GRIA4: variants seen among roughly 807,000 people sequenced by gnomAD.
The protein encoded by GRIA4 is glutamate receptor 4.
A neutral mutation model predicts 104.0 loss-of-function variants in GRIA4; 34 were observed. The observed-to-expected ratio is 0.33, with a 90% CI of 0.25 to 0.44. The LOEUF (loss-of-function observed/expected upper bound fraction) is 0.44, where lower values mean the gene tolerates loss of function less well. GRIA4 is among the 20% of genes least tolerant of loss of function. The probability of loss-of-function intolerance (pLI) is 1.00; values close to 1 mark genes in which losing one functional copy is unlikely to be tolerated. For missense variants in GRIA4, 750 were observed against 1,096.5 expected (o/e 0.68, Z 4.46); for synonymous variants, 386 against 381.9 (o/e 1.01, Z -0.13).
At chr11:105,679,836 C>A (rs1952654532) in intron 3 of GRIA4, among the ~76,000 whole-genome samples, 1 of 152,108 alleles carries the variant, frequency 6.6e-6, no homozygotes, top group African/African-American at 2.4e-5. Flanking sequence ...AGATCCTCAG[C>A]TGGCTGTAGT....
At position 105,682,041 on chromosome 11, in the gene GRIA4, T is replaced by TATAATA. The variant is rs569161082; in HGVS notation, c.247+69624_247+69629dup. Among the ~76,000 whole-genome samples, 702 of 151,356 alleles carry TATAATA rather than the reference T, an allele frequency of 4.6e-3. 12 individuals carry two copies. Among genetic ancestry groups the TATAATA allele is most frequent in the African/African-American group, 0.015 (638 of 41,254 alleles). ...GGCAACAGAGCCAGACTCTGTCTAATATAATAATAATAATAATAATAACAA... is the reference window on the plus strand; with the variant it reads ...GGCAACAGAGCCAGACTCTGTCTAATATAATAATAATAATAATAATAATAATAACAA... On this transcript the variant is annotated intron_variant, in intron 3 of 16. Transcript: ENST00000282499.
chr11:105,834,219 A>G (rs1421528067), intron 4 of GRIA4, among the ~76,000 whole-genome samples: 1 of 152,088 alleles, frequency 6.6e-6, no homozygotes, highest in African/African-American at 2.4e-5. Flanking sequence ...TACATAAAGA[A>G]GATATCCCTA....
At chr11:105,899,271 C>G (rs1946770796) in intron 7 of GRIA4, among the ~76,000 whole-genome samples, 1 of 152,206 alleles carries the variant, frequency 6.6e-6, no homozygotes, top group Non-Finnish European at 1.5e-5. Flanking sequence ...ACCATCTTCA[C>G]TGCCTTATAA....
chr11:105,972,064 C>CCCT (rs756918927), intron 15 of GRIA4, 36 bp downstream of exon 15: 1 of 1,278,358 alleles, frequency 7.8e-7, no homozygotes, highest in African/African-American at 1.5e-5. Context: ...CTCTTGTGTT[C>CCCT]ACAAAGCAGT....
chr11:105,852,922 T>C (rs1432840932), intron 4 of GRIA4, among the ~76,000 whole-genome samples: 1 of 148,664 alleles, frequency 6.7e-6, no homozygotes, highest in African/African-American at 2.5e-5. Flanking sequence ...AAATGAATGG[T>C]TTTGGCTTTG....
chr11:105,637,522 A>C (rs1218423514), intron 3 of GRIA4, among the ~76,000 whole-genome samples: 2 of 152,194 alleles, frequency 1.3e-5, no homozygotes, highest in African/African-American at 4.8e-5. Flanking sequence ...TGGGCACTGC[A>C]GAGAATTCAA....
chr11:105,902,974 T>A (rs1162756744), intron 7 of GRIA4, among the ~76,000 whole-genome samples: 1 of 152,204 alleles, frequency 6.6e-6, no homozygotes, highest in Admixed American at 6.5e-5. Flanking sequence ...CCATGTTGAT[T>A]TATTTTTATA....
intron 5 of GRIA4, among the ~76,000 whole-genome samples, chr11:105,869,820 A>C (rs1395400162): frequency 6.6e-6 from 1 of 152,086 alleles, no homozygotes; most frequent in Non-Finnish European, 1.5e-5. Context: ...ACCTTCCCTC[A>C]AGATTAGCCA....
Position 105,855,318 on chromosome 11 carries a change from T to C in GRIA4, c.488-6706T>C, listed in dbSNP as rs73540982. On this transcript the variant is annotated intron_variant, in intron 4 of 16. Coordinates refer to ENST00000282499, the MANE Select transcript of GRIA4 (RefSeq NM_000829.4). The stretch of plus-strand genomic sequence containing the variant: ...ATTATGTCTTACATACCTTACATGC[T>C]TAATATTAGACAAAGACCTTGTTTG... Among the ~76,000 whole-genome samples, 319 of 152,270 alleles carry C rather than the reference T, an allele frequency of 2.1e-3. 3 individuals carry two copies. Among genetic ancestry groups the C allele is most frequent in the African/African-American group, 7.2e-3 (301 of 41,580 alleles).
At position 105,658,180 on chromosome 11, in the gene GRIA4, T is replaced by C. The variant is rs191401140; in HGVS notation, c.247+45746T>C. On this transcript the variant is annotated intron_variant, in intron 3 of 16. Transcript: ENST00000282499. ...GGTCTTTCCTCATTCCAATTATCAGTACTATTATTGAAATAGGTATAGAAA... is the reference window on the plus strand; with the variant it reads ...GGTCTTTCCTCATTCCAATTATCAGCACTATTATTGAAATAGGTATAGAAA... 3.4e-3 allele frequency among the ~76,000 whole-genome samples: 523 copies of C among 151,964 alleles called. 5 individuals carry two copies. Among genetic ancestry groups the C allele is most frequent in the African/African-American group, 0.012 (486 of 41,512 alleles).
intron 3 of GRIA4, among the ~76,000 whole-genome samples, chr11:105,705,135 A>G (rs2135532632): frequency 6.6e-6 from 1 of 152,308 alleles, no homozygotes; most frequent in East Asian, 1.9e-4. Flanking sequence ...ATTATATGAT[A>G]CAGGTAACAC....
Position 105,912,629 on chromosome 11 carries a change from A to C in GRIA4, c.1269+2084A>C, listed in dbSNP as rs938896048. 4.8e-6 allele frequency: 3 copies of C among 627,172 alleles called. No homozygotes were observed. In the African/African-American group the frequency reaches 6.0e-5, roughly 13 times the overall value. The allele number at this position is 627,172 out of a possible 1,614,324, so 38.9% of individuals were successfully genotyped here. A position where few individuals can be genotyped will look rare whatever the true frequency, so the allele number is the denominator to read the frequency against. On this transcript the variant is annotated intron_variant, in intron 10 of 16. Transcript: ENST00000282499. The stretch of plus-strand genomic sequence containing the variant: ...TCAATATTTTTGCTATCAAAATAGT[A>C]TAATACTAGTATCTTTTTGTATGAA...
chr11:105,977,591 A>T (rs1859050212), intron 16 of GRIA4, among the ~76,000 whole-genome samples: 1 of 151,968 alleles, frequency 6.6e-6, no homozygotes, highest in African/African-American at 2.4e-5. Flanking sequence ...AAGGGTTCTG[A>T]CCCCCAAAAT....
At chr11:105,681,833 G>A (rs1028479565) in intron 3 of GRIA4, among the ~76,000 whole-genome samples, 1 of 152,096 alleles carries the variant, frequency 6.6e-6, no homozygotes, top group Non-Finnish European at 1.5e-5. Context: ...CTTGAGGTCA[G>A]GAGTTCAAAA....
chr11:105,880,665 G>C (rs1471998323), intron 5 of GRIA4, among the ~76,000 whole-genome samples: 1 of 152,096 alleles, frequency 6.6e-6, no homozygotes, highest in Non-Finnish European at 1.5e-5. Flanking sequence ...ATATTCACAA[G>C]TGAAGACATT....
At chr11:105,736,888 T>C (rs535827263) in intron 3 of GRIA4, among the ~76,000 whole-genome samples, 1 of 152,228 alleles carries the variant, frequency 6.6e-6, no homozygotes, top group Non-Finnish European at 1.5e-5. Context: ...CATATTCTAT[T>C]CTACTATTAC....
chr11:105,758,219 G>A (rs1010049648), intron 4 of GRIA4, among the ~76,000 whole-genome samples: 18 of 152,100 alleles, frequency 1.2e-4, no homozygotes, highest in Non-Finnish European at 7.4e-5. Flanking sequence ...ATTTCAGCCT[G>A]GGTGACACAG....
At position 105,686,107 on chromosome 11, in the gene GRIA4, A is replaced by G. The variant is rs79676942; in HGVS notation, c.248-66874A>G. Among the ~76,000 whole-genome samples the G allele has an allele frequency of 8.9e-3, 1,350 of 152,204 alleles. 39 individuals are homozygous for G. Among genetic ancestry groups the G allele is most frequent in the African/African-American group, 0.031 (1,282 of 41,534 alleles). On this transcript the variant is annotated intron_variant, in intron 3 of 16. Coordinates refer to ENST00000282499, the MANE Select transcript of GRIA4 (RefSeq NM_000829.4). The stretch of plus-strand genomic sequence containing the variant: ...TATTTTAGATTCAGGAGGTACATAT[A>G]CATGTTTGTTACCTGGAAATATTTT...
chr11:105,785,387 A>C (rs945255469), intron 4 of GRIA4, among the ~76,000 whole-genome samples: 12 of 152,284 alleles, frequency 7.9e-5, no homozygotes, highest in Admixed American at 1.3e-4. Flanking sequence ...ATTTCTATTA[A>C]ATGAGGAATA....
Sources: gnomAD v4.1 joint callset for allele counts (sites outside exome capture counted in the v4.1 genomes callset) on GRCh38, gnomAD v4.1.1 for gene constraint, MANE v1.5 for transcripts, NCBI Gene and HGNC (gene_info 2026-07-23, HGNC 2026-07-21) for gene names.